CTBP1: variants seen among roughly 807,000 people sequenced by gnomAD.
CTBP1 encodes the protein C-terminal binding protein 1, also known as C-terminal-binding protein 1.
In CTBP1, 11 loss-of-function variants were observed where a neutral mutation model predicts 42.1. The observed-to-expected ratio is 0.26, with a 90% CI of 0.16 to 0.43. The LOEUF (loss-of-function observed/expected upper bound fraction) is 0.43. Ranked by LOEUF, CTBP1 falls within the 20% of genes least tolerant of loss-of-function variation. The pLI, the probability that CTBP1 is intolerant of heterozygous loss-of-function variation, is 1.00. For missense variants in CTBP1, 399 were observed against 624.3 expected (o/e 0.64, Z 3.85); for synonymous variants, 324 against 277.1 (o/e 1.17, Z -1.68).
intron 9 of CTBP1, chr4:1,212,669 C>T: frequency 1.6e-6 from 1 of 608,878 alleles, no homozygotes; most frequent in Non-Finnish European, 2.9e-6. Flanking sequence ...CCCCCTCCTC[C>T]CACAGGCCCC....
intron 1 of CTBP1, chr4:1,242,658 G>C (rs1732299229): frequency 1.0e-6 from 1 of 985,408 alleles, no homozygotes; most frequent in Non-Finnish European, 1.2e-6. Context: ...GGCAGGTGCT[G>C]TGTGGGACTC....
At chr4:1,242,294 C>A (rs1257312539) in intron 1 of CTBP1, 4 of 985,412 alleles carry the variant, frequency 4.1e-6, no homozygotes, top group Non-Finnish European at 3.6e-6. Context: ...CCACACCTGG[C>A]CCCTGCTCTG....
intron 3 of CTBP1, among the ~76,000 whole-genome samples, chr4:1,231,573 C>T (rs1404149448): frequency 6.6e-6 from 1 of 152,232 alleles, no homozygotes; most frequent in Non-Finnish European, 1.5e-5. Context: ...CCCGCCAAGC[C>T]CACCTCCTGC....
chr4:1,222,409 G>A (rs765139137), intron 5 of CTBP1, among the ~76,000 whole-genome samples: 2 of 152,146 alleles, frequency 1.3e-5, no homozygotes, highest in African/African-American at 4.8e-5. Context: ...CACAGACAGA[G>A]GGGCCCGCGC....
intron 1 of CTBP1, chr4:1,243,448 A>T: frequency 1.0e-6 from 1 of 985,336 alleles, no homozygotes; most frequent in Non-Finnish European, 1.2e-6. Context: ...CCTTGTTCCA[A>T]GGCTGCTCCA....
chr4:1,237,276 G>A, intron 3 of CTBP1: 1 of 672,168 alleles, frequency 1.5e-6, no homozygotes, highest in Non-Finnish European at 2.7e-6. Flanking sequence ...TCCTCATGGG[G>A]CTCAGGGAAA....
At chr4:1,215,807 G>C (rs1729045092) in intron 6 of CTBP1, 184 bp downstream of exon 6, 3 of 631,432 alleles carry the variant, frequency 4.8e-6, no homozygotes, top group East Asian at 5.5e-5. Flanking sequence ...GTAGAACTCA[G>C]AACACAGAAA....
In CTBP1 at chr4:1,219,060, C is replaced by T. The variant is rs200657289; in HGVS notation, c.515-2855G>A. The stretch of plus-strand genomic sequence containing the variant: ...AACATAAAAGACAGAAGTCAGGCGC[C>T]GTGGCTCACACCCGTAATCCCAGCA... On this transcript the variant is annotated intron_variant, in intron 5 of 9. Coordinates refer to ENST00000382952, the MANE Select transcript of CTBP1 (RefSeq NM_001012614.2). 3.9e-5 allele frequency among the ~76,000 whole-genome samples: 6 copies of T among 152,056 alleles called. No homozygotes were observed. In the East Asian group the frequency reaches 9.6e-4, roughly 24 times the overall value.
intron 1 of CTBP1, chr4:1,241,731 GCCAGGCCCGA>G: frequency 8.3e-7 from 1 of 1,205,194 alleles, no homozygotes; most frequent in South Asian, 1.6e-5. Context: ...AGGTTGCAGT[GCCAGGCCCGA>G]GGCCGCGCCC....
At chr4:1,244,241 TG>T (rs1732486009) in intron 1 of CTBP1, 9 of 985,020 alleles carry the variant, frequency 9.1e-6, no homozygotes, top group Non-Finnish European at 1.1e-5. Context: ...ACGTGTGTGC[TG>T]GGCATCGGTC....
At chr4:1,243,585 C>A (rs2108800869) in intron 1 of CTBP1, 1 of 985,424 alleles carries the variant, frequency 1.0e-6, no homozygotes, top group African/African-American at 1.7e-5. Flanking sequence ...CCACAAAGCG[C>A]CCCCTGCCGG....
Position 1,244,824 on chromosome 4 carries a change from C to T in CTBP1, c.-188-3305G>A, listed in dbSNP as rs929727616. ...TGGTGAGATGCCCCCTCTGGCTGTCCAGGCCTGGAGGCCCAAAGACTAGGG... is the reference window on the plus strand; with the variant it reads ...TGGTGAGATGCCCCCTCTGGCTGTCTAGGCCTGGAGGCCCAAAGACTAGGG... On this transcript the variant is annotated intron_variant, in intron 1 of 9. Transcript: ENST00000382952. The T allele has an allele frequency of 8.1e-6, 8 of 985,332 alleles. No homozygotes were observed. In the Admixed American group the frequency reaches 4.9e-4, roughly 61 times the overall value. 61.0% of individuals were successfully genotyped at this position (985,332 alleles called of 1,614,324 possible).
Position 1,213,012 on chromosome 4 carries a change from A to T in CTBP1, c.1007T>A (p.Leu336Gln). 6.2e-7 allele frequency: 1 copy of T among 1,613,812 alleles called. No homozygotes were observed. The highest frequency in any genetic ancestry group is 8.5e-7 in the Non-Finnish European group (1 of 1,179,938). The stretch of plus-strand genomic sequence containing the variant: ...ATGGTCCTTGTTGACACAGTTCTTC[A>T]GGCTGTCTGGGATCCGGCCTGGGAG... ...RAITGRIPDSLKNCVNKDHLT... is the reference protein window; with the variant it reads ...RAITGRIPDSQKNCVNKDHLT... The change falls in exon 9 of 10, where the codon CTG becomes CAG. Residue 336 changes from leucine to glutamine, a missense_variant. Transcript: ENST00000382952.
chr4:1,223,918 G>A (rs1400774750), intron 5 of CTBP1, among the ~76,000 whole-genome samples: 1 of 152,252 alleles, frequency 6.6e-6, no homozygotes, highest in Non-Finnish European at 1.5e-5. Flanking sequence ...ACCCAGGACA[G>A]TGCTGGGCCC....
intron 1 of CTBP1, chr4:1,244,363 G>GGGC: frequency 1.0e-6 from 1 of 984,082 alleles, no homozygotes; most frequent in Non-Finnish European, 1.2e-6. Flanking sequence ...CTGGGGGGGG[G>GGGC]GTGTTCCAGG....
intron 7 of CTBP1, 38 bp from the exon 8 acceptor site, chr4:1,213,643 G>A (rs757387224): frequency 6.3e-7 from 1 of 1,599,834 alleles, no homozygotes; most frequent in Non-Finnish European, 8.5e-7. Context: ...CAGCCTGAGT[G>A]CTGTGGCTGG....
intron 5 of CTBP1, 31 bp downstream of exon 5, chr4:1,225,317 AGACACAGGGAGG>A: frequency 4.0e-6 from 6 of 1,514,776 alleles, no homozygotes; most frequent in African/African-American, 2.8e-5. Context: ...CGGCAGCGCC[AGACACAGGGAGG>A]GACACAGGCG....
At chr4:1,212,533 A>G (rs1021856808) in intron 9 of CTBP1, 110 bp from the exon 10 acceptor site, 1 of 962,528 alleles carries the variant, frequency 1.0e-6, no homozygotes, top group East Asian at 3.0e-5. Flanking sequence ...GAGGACCAGC[A>G]GTCAGGGTAA....
At chr4:1,225,698 C>G in intron 4 of CTBP1, 132 bp from the exon 5 acceptor site, 1 of 929,262 alleles carries the variant, frequency 1.1e-6, no homozygotes, top group Non-Finnish European at 1.6e-6. Context: ...CCAAGGCCAC[C>G]CCGGGAGGCC....
Sources: allele counts gnomAD v4.1 joint callset (sites outside exome capture counted in the v4.1 genomes callset), GRCh38; gene constraint gnomAD v4.1.1; transcripts MANE v1.5; gene names NCBI Gene and HGNC (gene_info 2026-07-23, HGNC 2026-07-21).